The following SLC24A4 variants were observed in gnomAD, a reference collection of about 807,000 sequenced individuals.
The protein encoded by SLC24A4 is sodium/potassium/calcium exchanger 4.
In SLC24A4, 53 loss-of-function variants were observed where a neutral mutation model predicts 79.0. The observed-to-expected ratio is 0.67, with a 90% confidence interval of 0.54 to 0.84. The LOEUF is 0.84. SLC24A4 is among the 40% of genes least tolerant of loss of function. The pLI, the probability that SLC24A4 is intolerant of heterozygous loss-of-function variation, is 0.00. For synonymous variants in SLC24A4, 323 were observed against 323.8 expected, an observed-to-expected ratio of 1.00 and a Z score of 0.03; for missense variants, 731 against 822.0, an observed-to-expected ratio of 0.89 and a Z score of 1.35.
intron 2 of SLC24A4, among the ~76,000 whole-genome samples, chr14:92,348,108 A>G (rs574013932): frequency 1.6e-4 from 24 of 152,216 alleles, no homozygotes; most frequent in Admixed American, 6.5e-5. Flanking sequence ...AGGGAGAAGA[A>G]GGACGTTCTC....
chr14:92,400,151 G>A (rs1343845328), intron 2 of SLC24A4, among the ~76,000 whole-genome samples: 1 of 152,108 alleles, frequency 6.6e-6, no homozygotes, highest in Admixed American at 6.5e-5. Flanking sequence ...GAAAAAATCA[G>A]AGTTGGAGGC....
rs1238208568 is a variant in SLC24A4, at chr14:92,325,975, C to A, written c.238C>A (p.Pro80Thr). 1 of 1,603,268 alleles carries A rather than the reference C, an allele frequency of 6.2e-7. No homozygotes were observed. Among genetic ancestry groups the A allele is most frequent in the Admixed American group, 1.7e-5 (1 of 59,708 alleles). The stretch of plus-strand genomic sequence containing the variant: ...ACAGACAGCCAAGAACTGCACAGAT[C>A]CTGGTAAGAAATCAATTCTTCTCCA... ...GTQTAKNCTD[P>T]AIHEFPTDLF... The change falls in exon 2 of 17, where the codon CCT (proline) becomes ACT (threonine). Residue 80 changes from proline (P) to threonine (T), a missense_variant. Physicochemically the swap from Pro to Thr is conservative, Grantham distance 38. Transcript: ENST00000532405.
intron 7 of SLC24A4, 55 bp downstream of exon 7, chr14:92,443,529 A>G: frequency 6.4e-7 from 1 of 1,560,838 alleles, no homozygotes; most frequent in Non-Finnish European, 8.8e-7. Flanking sequence ...GCGAAGGCAC[A>G]GGACCCCTGC....
rs1427761914 is a variant in SLC24A4 at position 92,443,387 on chromosome 14, G to T, written c.583-13G>T. 5 of 1,613,836 alleles carry T rather than the reference G, an allele frequency of 3.1e-6. No individual in the cohort carries two copies. Among genetic ancestry groups the T allele is most frequent in the African/African-American group, 1.3e-5 (1 of 74,938 alleles). On this transcript the variant is annotated splice_polypyrimidine_tract_variant and intron_variant, in intron 6 of 16. Transcript: ENST00000532405. The stretch of plus-strand genomic sequence containing the variant: ...TGCGCTCATAGCAGCCAACGACGGG[G>T]CTCTGCTGGCAGGTGGTCCGTCTGA...
At chr14:92,375,717 C>A (rs2141698718) in intron 2 of SLC24A4, among the ~76,000 whole-genome samples, 1 of 152,300 alleles carries the variant, frequency 6.6e-6, no homozygotes, top group East Asian at 1.9e-4. Flanking sequence ...AGGCCGCATA[C>A]CGTATGATTT....
At chr14:92,338,577 G>A (rs917371785) in intron 2 of SLC24A4, among the ~76,000 whole-genome samples, 3 of 152,214 alleles carry the variant, frequency 2.0e-5, no homozygotes, top group Admixed American at 6.5e-5. Flanking sequence ...TGACCCCGCT[G>A]TTGGTTTATC....
At chr14:92,383,849 T>C (rs1888991943) in intron 2 of SLC24A4, among the ~76,000 whole-genome samples, 1 of 152,162 alleles carries the variant, frequency 6.6e-6, no homozygotes, top group Admixed American at 6.5e-5. Flanking sequence ...CACCTTCTTA[T>C]CCACCCCCAG....
Position 92,413,125 on chromosome 14 carries a change from G to A in SLC24A4, c.242-20787G>A, listed in dbSNP as rs1890810549. ...TTACTGTCTGTCTGGTTCTTTCCAGGAAGACGTTTGCCAACTGTTGGTTTA... is the reference window on the plus strand; with the variant it reads ...TTACTGTCTGTCTGGTTCTTTCCAGAAAGACGTTTGCCAACTGTTGGTTTA... On this transcript the variant is annotated intron_variant, in intron 2 of 16. Coordinates refer to ENST00000532405, the MANE Select transcript of SLC24A4 (RefSeq NM_153646.4). Among the ~76,000 whole-genome samples, 6 of 152,296 alleles carry A rather than the reference G, an allele frequency of 3.9e-5. No homozygotes were observed. In the South Asian group the frequency reaches 1.2e-3, roughly 32 times the overall value.
intron 2 of SLC24A4, among the ~76,000 whole-genome samples, chr14:92,422,545 A>C (rs1435857831): frequency 6.6e-6 from 1 of 152,212 alleles, no homozygotes; most frequent in African/African-American, 2.4e-5. Context: ...AAATGGGGCT[A>C]ATGACAGTGT....
intron 2 of SLC24A4, among the ~76,000 whole-genome samples, chr14:92,402,597 A>T (rs1439014982): frequency 6.6e-6 from 1 of 152,194 alleles, no homozygotes; most frequent in East Asian, 1.9e-4. Flanking sequence ...GCAATTTACA[A>T]AGAAAAGAGG....
At chr14:92,478,036 A>G (rs1257088799) in intron 12 of SLC24A4, among the ~76,000 whole-genome samples, 1 of 151,886 alleles carries the variant, frequency 6.6e-6, no homozygotes, top group East Asian at 1.9e-4. Context: ...TGAACTCCCA[A>G]CCTCAGGTGA....
At chr14:92,381,058 T>C (rs1888817318) in intron 2 of SLC24A4, among the ~76,000 whole-genome samples, 1 of 152,222 alleles carries the variant, frequency 6.6e-6, no homozygotes, top group South Asian at 2.1e-4. Context: ...AAATACCATC[T>C]GACCCAGCAA....
intron 12 of SLC24A4, among the ~76,000 whole-genome samples, chr14:92,476,180 A>G (rs1348976298): frequency 6.6e-6 from 1 of 152,214 alleles, no homozygotes; most frequent in Non-Finnish European, 1.5e-5. Context: ...CAATTCCCTA[A>G]AGCGAATTCT....
chr14:92,446,355 C>T (rs1473804775), intron 8 of SLC24A4, among the ~76,000 whole-genome samples: 2 of 152,134 alleles, frequency 1.3e-5, no homozygotes, highest in Non-Finnish European at 2.9e-5. Context: ...CCATGTTGGC[C>T]AGGCTGGTCT....
Position 92,496,553 on chromosome 14 carries a change from G to A in SLC24A4, c.*2925G>A, listed in dbSNP as rs768773620. ...AGCAGGTGGTTCCTGTGGACTTCTG[G>A]TTTGGAATTTTGCCTCACCAGGTCA... On this transcript the variant is annotated 3_prime_UTR_variant, in exon 17 of 17. Coordinates refer to ENST00000532405, the MANE Select transcript of SLC24A4 (RefSeq NM_153646.4). The A allele has an allele frequency of 6.6e-6, 1 of 152,118 alleles. No individual in the cohort carries two copies. The highest frequency in any genetic ancestry group is 1.5e-5 in the Non-Finnish European group (1 of 68,018). 9.4% of individuals were successfully genotyped at this position (152,118 alleles called of 1,614,324 possible). A position where few individuals can be genotyped will look rare whatever the true frequency, so the allele number is the denominator to read the frequency against.
At chr14:92,357,969 ACTC>A (rs1887275723) in intron 2 of SLC24A4, among the ~76,000 whole-genome samples, 1 of 152,236 alleles carries the variant, frequency 6.6e-6, no homozygotes, top group Non-Finnish European at 1.5e-5. Context: ...TGCAGACAGA[ACTC>A]CTTGAAGCAC....
intron 2 of SLC24A4, among the ~76,000 whole-genome samples, chr14:92,368,374 C>A (rs1034890199): frequency 1.3e-5 from 2 of 152,192 alleles, no homozygotes; most frequent in African/African-American, 4.8e-5. Context: ...CATCCATCTG[C>A]CTCATTTAGG....
intron 2 of SLC24A4, among the ~76,000 whole-genome samples, chr14:92,427,003 A>C (rs2139772458): frequency 6.6e-6 from 1 of 152,370 alleles, no homozygotes; most frequent in South Asian, 2.1e-4. Flanking sequence ...TTCCTTTAAA[A>C]AAATTCAATT....
chr14:92,374,672 G>T (rs917445409), intron 2 of SLC24A4, among the ~76,000 whole-genome samples: 1 of 152,132 alleles, frequency 6.6e-6, no homozygotes, highest in African/African-American at 2.4e-5. Context: ...ATGATGCTCC[G>T]CATTGGAGAT....
Sources: gnomAD v4.1 joint callset for allele counts (sites outside exome capture counted in the v4.1 genomes callset) on GRCh38, gnomAD v4.1.1 for gene constraint, MANE v1.5 for transcripts, NCBI Gene and HGNC (gene_info 2026-07-23, HGNC 2026-07-21) for gene names.